The following VEPH1 variants were observed in gnomAD, a reference collection of about 807,000 sequenced individuals.
VEPH1 encodes the protein ventricular zone-expressed PH domain-containing protein homolog 1.
VEPH1 carries 80 observed loss-of-function variants against 85.2 expected under a neutral mutation model. The observed-to-expected ratio is 0.94, with a 90% CI of 0.78 to 1.13. VEPH1 has a LOEUF of 1.13. VEPH1 is among the 50% of genes most tolerant of loss of function. The pLI, the probability that VEPH1 is intolerant of heterozygous loss-of-function variation, is 0.00. For missense variants in VEPH1, 955 were observed against 980.5 expected, an observed-to-expected ratio of 0.97 and a Z score of 0.35; for synonymous variants, 297 against 348.0, an observed-to-expected ratio of 0.85 and a Z score of 1.63.
At chr3:157,408,291 A>C (rs1731285817) in intron 6 of VEPH1, among the ~76,000 whole-genome samples, 1 of 152,122 alleles carries the variant, frequency 6.6e-6, no homozygotes, top group Non-Finnish European at 1.5e-5. Context: ...TGTCAACTTT[A>C]TTCTCATCTT....
chr3:157,437,613 G>T, intron 4 of VEPH1: 1 of 1,566,506 alleles, frequency 6.4e-7, no homozygotes, highest in Non-Finnish European at 8.6e-7. Flanking sequence ...TGCAAGCCAC[G>T]GACGACGTCC....
At chr3:157,466,862 C>CA (rs1736418500) in intron 3 of VEPH1, among the ~76,000 whole-genome samples, 1 of 152,084 alleles carries the variant, frequency 6.6e-6, no homozygotes, top group African/African-American at 2.4e-5. Context: ...GGCCCAAGGC[C>CA]AAAAAACAAA....
chr3:157,440,093 A>AT (rs1293757385), intron 4 of VEPH1, among the ~76,000 whole-genome samples: 1 of 152,128 alleles, frequency 6.6e-6, no homozygotes, highest in African/African-American at 2.4e-5. Flanking sequence ...GGATATGGTG[A>AT]TTTTTTTCAG....
At chr3:157,327,089 A>G (rs1164141111) in intron 9 of VEPH1, among the ~76,000 whole-genome samples, 1 of 152,164 alleles carries the variant, frequency 6.6e-6, no homozygotes, top group East Asian at 1.9e-4. Context: ...ACCAGTGGGC[A>G]CTGAGATGAG....
chr3:157,437,758 G>T, intron 4 of VEPH1: 2 of 1,488,608 alleles, frequency 1.3e-6, no homozygotes, highest in South Asian at 1.3e-5. Context: ...GGCGACCCGC[G>T]ACGCGGGCCG....
At chr3:157,406,065 A>C (rs1375301586) in intron 6 of VEPH1, among the ~76,000 whole-genome samples, 1 of 152,192 alleles carries the variant, frequency 6.6e-6, no homozygotes, top group Non-Finnish European at 1.5e-5. Flanking sequence ...TATTATTTAC[A>C]GTTAACATGT....
At chr3:157,399,165 C>T (rs1370116944) in intron 6 of VEPH1, among the ~76,000 whole-genome samples, 2 of 152,078 alleles carry the variant, frequency 1.3e-5, no homozygotes. Context: ...AGCTATATAG[C>T]CCTTTAATTT....
chr3:157,382,242 T>C (rs1324137903), intron 6 of VEPH1, among the ~76,000 whole-genome samples: 1 of 152,230 alleles, frequency 6.6e-6, no homozygotes, highest in Non-Finnish European at 1.5e-5. Context: ...CCAAGCTAAC[T>C]TTCACAGTCA....
intron 6 of VEPH1, among the ~76,000 whole-genome samples, chr3:157,398,654 T>C (rs1259618282): frequency 1.4e-5 from 2 of 147,128 alleles, no homozygotes. Flanking sequence ...AAAAAAGGAG[T>C]TATCTGCAGA....
intron 2 of VEPH1, among the ~76,000 whole-genome samples, chr3:157,480,662 T>C (rs937261496): frequency 5.3e-5 from 8 of 152,204 alleles, no homozygotes; most frequent in Non-Finnish European, 1.2e-4. Flanking sequence ...TATGCCATGG[T>C]GCATATGTAC....
chr3:157,413,970 G>T lies in VEPH1; in HGVS notation c.817C>A (p.Leu273Ile), dbSNP rs1455914705. The change falls in exon 6 of 14, where the codon CTT becomes ATT. Residue 273 changes from leucine to isoleucine, a missense_variant. Physicochemically the swap from Leu to Ile is conservative, Grantham distance 5. Coordinates refer to ENST00000362010, the MANE Select transcript of VEPH1 (RefSeq NM_001167912.2). ...VYEPVALNSF[L>I]PMLKEIGERF... ...TCACCAATCTCTTTCAGCATTGGAA[G>T]AAAACTGTTCAAAGCCACTGGCTCA... The T allele has an allele frequency of 1.2e-6, 2 of 1,613,466 alleles. No homozygotes were observed. Among genetic ancestry groups the T allele is most frequent in the African/African-American group, 2.7e-5 (2 of 74,844 alleles).
chr3:157,455,826 T>C (rs979200690), intron 4 of VEPH1, among the ~76,000 whole-genome samples: 1 of 152,228 alleles, frequency 6.6e-6, no homozygotes, highest in Admixed American at 6.5e-5. Flanking sequence ...CAGTCTATGA[T>C]TGATGGGCGT....
At chr3:157,463,681 G>A (rs571348677) in intron 3 of VEPH1, among the ~76,000 whole-genome samples, 1 of 152,156 alleles carries the variant, frequency 6.6e-6, no homozygotes, top group Non-Finnish European at 1.5e-5. Flanking sequence ...ACCCACTAAG[G>A]CTAACTCACA....
At chr3:157,430,814 G>A (rs1733090377) in intron 4 of VEPH1, among the ~76,000 whole-genome samples, 1 of 152,112 alleles carries the variant, frequency 6.6e-6, no homozygotes, top group Non-Finnish European at 1.5e-5. Context: ...TTCTATAGCT[G>A]TTATTAGAAA....
chr3:157,423,425 G>T (rs996719639), intron 5 of VEPH1, among the ~76,000 whole-genome samples: 2 of 152,190 alleles, frequency 1.3e-5, no homozygotes, highest in Admixed American at 1.3e-4. Flanking sequence ...TGTGTCTACT[G>T]AACCTACTGA....
chr3:157,363,299 G>C (rs1283479329), intron 9 of VEPH1, 65 bp downstream of exon 9: 8 of 1,442,198 alleles, frequency 5.5e-6, no homozygotes, highest in Non-Finnish European at 6.5e-6. Flanking sequence ...TACCTGATTT[G>C]AGCTTTTTGT....
chr3:157,329,320 A>C (rs1306823403), intron 9 of VEPH1, among the ~76,000 whole-genome samples: 1 of 152,220 alleles, frequency 6.6e-6, no homozygotes, highest in Non-Finnish European at 1.5e-5. Flanking sequence ...ACTGTTTTCC[A>C]GTGGGAACCA....
At chr3:157,414,838 A>C (rs1731778234) in intron 5 of VEPH1, among the ~76,000 whole-genome samples, 1 of 152,200 alleles carries the variant, frequency 6.6e-6, no homozygotes, top group Admixed American at 6.5e-5. Context: ...GAACAACAAA[A>C]GTGAAACAGA....
chr3:157,309,610 TATTGA>T (rs933317226), intron 11 of VEPH1, among the ~76,000 whole-genome samples: 11 of 152,234 alleles, frequency 7.2e-5, no homozygotes, highest in African/African-American at 2.6e-4. Flanking sequence ...AAATTTGAAC[TATTGA>T]ATTCATGCAT....
Sources: gnomAD v4.1 joint callset for allele counts (sites outside exome capture counted in the v4.1 genomes callset) on GRCh38, gnomAD v4.1.1 for gene constraint, MANE v1.5 for transcripts, NCBI Gene and HGNC (gene_info 2026-07-23, HGNC 2026-07-21) for gene names.